ANKRD30B: variants seen among roughly 807,000 people sequenced by gnomAD.
ANKRD30B encodes ankyrin repeat domain-containing protein 30B.
Under a neutral mutation model 202.2 loss-of-function variants are expected in ANKRD30B, and 144 were observed. That is an observed-to-expected ratio of 0.71 (90% CI 0.62 to 0.82). ANKRD30B has a LOEUF of 0.82. ANKRD30B is among the 40% of genes least tolerant of loss of function. The pLI is 0.00. For missense variants in ANKRD30B, 1,487 were observed against 1,669.1 expected (o/e 0.89, Z 1.90); for synonymous variants, 508 against 561.3 (o/e 0.91, Z 1.34).
intron 11 of ANKRD30B, among the ~76,000 whole-genome samples, chr18:14,780,827 T>C (rs1967684402): frequency 6.6e-6 from 1 of 152,370 alleles, no homozygotes; most frequent in East Asian, 1.9e-4. Context: ...GAGAAAAATA[T>C]GCATAAAGAA....
At chr18:14,839,099 C>A (rs1185688260) in intron 36 of ANKRD30B, among the ~76,000 whole-genome samples, 1 of 152,134 alleles carries the variant, frequency 6.6e-6, no homozygotes, top group Admixed American at 6.6e-5. Flanking sequence ...GGAGTAATTT[C>A]TTTTTGAGTA....
At chr18:14,847,303 C>T (rs1490501943) in intron 39 of ANKRD30B, among the ~76,000 whole-genome samples, 2 of 151,154 alleles carry the variant, frequency 1.3e-5, no homozygotes, top group Non-Finnish European at 3.0e-5. Flanking sequence ...TAAGAAATTC[C>T]AATCATATAT....
the ANKRD30B span, among the ~76,000 whole-genome samples, chr18:14,873,127 G>C: frequency 2.0e-5 from 3 of 152,186 alleles, no homozygotes; most frequent in African/African-American, 7.2e-5. Context: ...GCCTCAGATA[G>C]AGAGAGAACA....
At chr18:14,865,626 T>C in the ANKRD30B span, among the ~76,000 whole-genome samples, 56 of 151,296 alleles carry the variant, frequency 3.7e-4, no homozygotes, top group African/African-American at 1.2e-3. Flanking sequence ...GTTTTTTTTT[T>C]CCCAACATCT....
intron 30 of ANKRD30B, among the ~76,000 whole-genome samples, chr18:14,815,907 G>C (rs970014610): frequency 1.7e-4 from 26 of 152,072 alleles, no homozygotes; most frequent in Admixed American, 1.6e-3. Context: ...ATACCGTTAT[G>C]CCATATGGGT....
At chr18:14,863,757 T>C in the ANKRD30B span, among the ~76,000 whole-genome samples, 2 of 148,764 alleles carry the variant, frequency 1.3e-5, no homozygotes, top group African/African-American at 5.0e-5. Flanking sequence ...TCTAACTCAT[T>C]CTACAAAACC....
the ANKRD30B span, among the ~76,000 whole-genome samples, chr18:14,866,065 A>G: frequency 6.6e-6 from 1 of 152,212 alleles, no homozygotes; most frequent in Non-Finnish European, 1.5e-5. Flanking sequence ...TCAGAGTATG[A>G]AAATAAAGTC....
the ANKRD30B span, among the ~76,000 whole-genome samples, chr18:14,884,502 G>A: frequency 6.6e-6 from 1 of 151,696 alleles, no homozygotes; most frequent in Non-Finnish European, 1.5e-5. Context: ...CTACCACATG[G>A]AAGGATTCAA....
the ANKRD30B span, among the ~76,000 whole-genome samples, chr18:14,867,069 G>A: frequency 0.012 from 1,836 of 147,882 alleles, 47 homozygotes; most frequent in African/African-American, 0.043. Context: ...GCAGTACCCC[G>A]GGCGTTCACT....
chr18:14,838,528 A>G (rs1400866895), intron 36 of ANKRD30B, among the ~76,000 whole-genome samples: 1 of 152,242 alleles, frequency 6.6e-6, no homozygotes, highest in Non-Finnish European at 1.5e-5. Context: ...TTTTTTTCAC[A>G]AATAGAACTC....
the ANKRD30B span, among the ~76,000 whole-genome samples, chr18:14,884,704 T>G: frequency 2.0e-5 from 3 of 152,042 alleles, no homozygotes; most frequent in Admixed American, 2.0e-4. Flanking sequence ...AGAGTAAATA[T>G]CTGGTTCCCT....
chr18:14,835,752 C>T (rs1053656225), intron 34 of ANKRD30B, among the ~76,000 whole-genome samples: 6 of 151,772 alleles, frequency 4.0e-5, no homozygotes, highest in Admixed American at 6.6e-5. Context: ...ATAAGAAAAG[C>T]ATGTGAATTT....
chr18:14,779,415 T>A (rs1967579518), intron 10 of ANKRD30B, among the ~76,000 whole-genome samples: 1 of 152,238 alleles, frequency 6.6e-6, no homozygotes, highest in Admixed American at 6.5e-5. Context: ...TTCTTTAAGC[T>A]TATTTATTTA....
chr18:14,903,116 T>TG, the ANKRD30B span, among the ~76,000 whole-genome samples: 7 of 152,296 alleles, frequency 4.6e-5, no homozygotes, highest in African/African-American at 1.4e-4. Context: ...TGACTTCAGG[T>TG]GGCTGCCAGC....
downstream of ANKRD30B, among the ~76,000 whole-genome samples, chr18:14,854,851 ACAC>A (rs1972030568): frequency 1.3e-5 from 2 of 151,578 alleles, no homozygotes; most frequent in East Asian, 3.9e-4. Context: ...ACACACACAC[ACAC>A]ACACACACAC....
chr18:14,782,882 A>G (rs1282877702), intron 12 of ANKRD30B, among the ~76,000 whole-genome samples: 1 of 152,210 alleles, frequency 6.6e-6, no homozygotes, highest in African/African-American at 2.4e-5. Context: ...AAAGGAGTAA[A>G]AAGGGAATGA....
At chr18:14,882,368 C>G in the ANKRD30B span, among the ~76,000 whole-genome samples, 11 of 152,320 alleles carry the variant, frequency 7.2e-5, no homozygotes, top group South Asian at 1.0e-3. Flanking sequence ...TCACCCAATG[C>G]TCATTCAGGA....
chr18:14,810,413 G>T (rs966659624), intron 28 of ANKRD30B, among the ~76,000 whole-genome samples: 1 of 151,142 alleles, frequency 6.6e-6, no homozygotes, highest in African/African-American at 2.4e-5. Flanking sequence ...TTAATATCCC[G>T]ATAGTGTAAA....
At chr18:14,760,756 G>GTA (rs1382785660) in intron 6 of ANKRD30B, 138 bp downstream of exon 6, 1 of 534,576 alleles carries the variant, frequency 1.9e-6, no homozygotes, top group Non-Finnish European at 3.3e-6. Flanking sequence ...GTGTGTGTGT[G>GTA]TATATATATG....
Sources: gnomAD v4.1 joint callset for allele counts (sites outside exome capture counted in the v4.1 genomes callset) on GRCh38, gnomAD v4.1.1 for gene constraint, MANE v1.5 for transcripts, NCBI Gene and HGNC (gene_info 2026-07-23, HGNC 2026-07-21) for gene names.